Variants in ZFAND3 observed in about 807,000 individuals in gnomAD.
ZFAND3 encodes zinc finger AN1-type containing 3, also known as AN1-type zinc finger protein 3.
In ZFAND3, 10 loss-of-function variants were observed where a neutral mutation model predicts 29.6. The ratio of observed to expected loss-of-function variants is 0.34; its 90% CI spans 0.21 to 0.57. The LOEUF (loss-of-function observed/expected upper bound fraction) is 0.57, where lower values mean the gene tolerates loss of function less well. ZFAND3 is among the 20% of genes least tolerant of loss of function. ZFAND3 has a pLI of 0.86. For missense variants in ZFAND3, 230 were observed against 304.5 expected (o/e 0.76, Z 1.82); for synonymous variants, 128 against 112.6 (o/e 1.14, Z -0.87).
intron 2 of ZFAND3, among the ~76,000 whole-genome samples, chr6:38,001,195 T>C (rs1762942450): frequency 6.6e-6 from 1 of 152,232 alleles, no homozygotes; most frequent in Admixed American, 6.5e-5. Flanking sequence ...ATTCATTCTT[T>C]TAAATAAGTT....
intron 1 of ZFAND3, among the ~76,000 whole-genome samples, chr6:37,827,749 C>T (rs1441916258): frequency 1.3e-5 from 2 of 152,216 alleles, no homozygotes; most frequent in South Asian, 2.1e-4. Flanking sequence ...GGATGATGTA[C>T]TAGCTAACTA....
intron 2 of ZFAND3, among the ~76,000 whole-genome samples, chr6:38,049,969 G>A (rs9296233): frequency 1.6e-4 from 1 of 6,184 alleles, no homozygotes; most frequent in African/African-American, 4.5e-4. Flanking sequence ...TTTTTTTTTT[G>A]GGGGAGACAG....
chr6:38,089,659 A>T (rs1283766192), intron 4 of ZFAND3, among the ~76,000 whole-genome samples: 1 of 152,200 alleles, frequency 6.6e-6, no homozygotes, highest in Non-Finnish European at 1.5e-5. Flanking sequence ...TTAAATCAGA[A>T]GTGGCCCCGT....
intron 2 of ZFAND3, among the ~76,000 whole-genome samples, chr6:38,036,400 GA>G (rs1164945999): frequency 6.6e-6 from 1 of 152,182 alleles, no homozygotes; most frequent in Non-Finnish European, 1.5e-5. Context: ...TAGGATAGGA[GA>G]GGAGGATAGA....
chr6:38,115,864 A>G (rs9470784), intron 4 of ZFAND3, among the ~76,000 whole-genome samples: 18,072 of 152,032 alleles, frequency 0.12, 1,330 homozygotes, highest in East Asian at 0.29. Flanking sequence ...CCCTCCACCT[A>G]CCATTTTGGC....
Position 37,929,744 on chromosome 6 carries a change from A to G in ZFAND3, c.72-215A>G, listed in dbSNP as rs142330719. ...TTACAGGTAAAAAATAAAAATAAAA[A>G]CCAAGTGTTTATATTTTTGTTTTTT... On this transcript the variant is annotated intron_variant, in intron 1 of 5. Coordinates refer to ENST00000287218, the MANE Select transcript of ZFAND3 (RefSeq NM_021943.3). 4.5e-3 allele frequency among the ~76,000 whole-genome samples: 680 copies of G among 150,674 alleles called. 1 individual carries two copies. The highest frequency in any genetic ancestry group is 0.015 in the African/African-American group (618 of 40,966).
chr6:37,871,963 T>G (rs888583825), intron 1 of ZFAND3, among the ~76,000 whole-genome samples: 2 of 152,262 alleles, frequency 1.3e-5, no homozygotes, highest in Non-Finnish European at 2.9e-5. Flanking sequence ...TTACCTGGGC[T>G]GCTGTAGTCT....
chr6:38,020,304 T>A (rs1362410517), intron 2 of ZFAND3, among the ~76,000 whole-genome samples: 1 of 152,240 alleles, frequency 6.6e-6, no homozygotes, highest in Non-Finnish European at 1.5e-5. Flanking sequence ...CACATTAGTT[T>A]TCTTCCTTCA....
At chr6:38,032,081 C>T (rs746536074) in intron 2 of ZFAND3, among the ~76,000 whole-genome samples, 2 of 152,122 alleles carry the variant, frequency 1.3e-5, no homozygotes, top group Admixed American at 1.3e-4. Context: ...GATCCTCCCT[C>T]CTCAACCTCC....
rs201237370 is a variant in ZFAND3, at chr6:38,065,315, C to CA, written c.295+3552dup. ...GGCGACAGAGTGGGACTCTGTCTCACAAAAAAAAAAAAGAAAGAAAAGAAA... is the reference window on the plus strand; with the variant it reads ...GGCGACAGAGTGGGACTCTGTCTCACAAAAAAAAAAAAAGAAAGAAAAGAAA... On this transcript the variant is annotated intron_variant, in intron 3 of 5. Transcript: ENST00000287218. Among the ~76,000 whole-genome samples the CA allele has an allele frequency of 0.025, 3,203 of 127,064 alleles. 246 individuals carry two copies. In the East Asian group the frequency reaches 0.3, roughly 12 times the overall value. 83.4% of individuals were successfully genotyped at this position (127,064 alleles called of 152,430 possible). A position where few individuals can be genotyped will look rare whatever the true frequency, so the allele number is the denominator to read the frequency against.
intron 1 of ZFAND3, among the ~76,000 whole-genome samples, chr6:37,864,941 A>G (rs961939639): frequency 6.6e-6 from 1 of 152,148 alleles, no homozygotes; most frequent in East Asian, 1.9e-4. Context: ...GCACTTTGGG[A>G]GGCCAAGGCG....
intron 2 of ZFAND3, among the ~76,000 whole-genome samples, chr6:37,996,672 A>G (rs1394893389): frequency 6.6e-6 from 1 of 152,182 alleles, no homozygotes; most frequent in Non-Finnish European, 1.5e-5. Flanking sequence ...TAAGAGAAAA[A>G]ATTTAAGGAA....
chr6:37,864,364 C>CT (rs1259011822), intron 1 of ZFAND3, among the ~76,000 whole-genome samples: 1 of 152,176 alleles, frequency 6.6e-6, no homozygotes, highest in Non-Finnish European at 1.5e-5. Context: ...GCTTTGAGGG[C>CT]TGAATCCATC....
chr6:37,976,016 A>T (rs1230756980), intron 2 of ZFAND3, among the ~76,000 whole-genome samples: 1 of 151,910 alleles, frequency 6.6e-6, no homozygotes, highest in Non-Finnish European at 1.5e-5. Flanking sequence ...GATAGAAGTG[A>T]TCTCTCTTTA....
intron 3 of ZFAND3, chr6:38,062,749 T>TA (rs1249923564): frequency 2.6e-5 from 4 of 152,186 alleles, no homozygotes; most frequent in Non-Finnish European, 5.9e-5. Context: ...GTATGTGAGA[T>TA]ATACATCTCT....
chr6:38,020,414 CA>C (rs1268525606), intron 2 of ZFAND3, among the ~76,000 whole-genome samples: 1 of 151,842 alleles, frequency 6.6e-6, no homozygotes, highest in Non-Finnish European at 1.5e-5. Context: ...CAAATTATCT[CA>C]AAAAAATACT....
intron 2 of ZFAND3, among the ~76,000 whole-genome samples, chr6:37,933,121 C>T: frequency 6.6e-6 from 1 of 152,100 alleles, no homozygotes; most frequent in Non-Finnish European, 1.5e-5. Context: ...TTATTTTGGC[C>T]AAAGCCACTG....
chr6:38,014,999 T>A (rs921245562), intron 2 of ZFAND3, among the ~76,000 whole-genome samples: 3 of 152,208 alleles, frequency 2.0e-5, no homozygotes, highest in Non-Finnish European at 4.4e-5. Flanking sequence ...ACCTCCTGCT[T>A]TTTACCAATA....
chr6:38,094,462 G>A lies in ZFAND3; in HGVS notation c.361+12005G>A, dbSNP rs138742551. 1.4e-4 allele frequency among the ~76,000 whole-genome samples: 22 copies of A among 152,280 alleles called. No homozygotes were observed. The East Asian group carries it at 4.1e-3, about 28-fold the overall frequency. On this transcript the variant is annotated intron_variant, in intron 4 of 5. Transcript: ENST00000287218. Reference sequence around the variant, plus strand: ...GAAAAGAAAGTAATAACTTGGATATGATCCTACTCCACAAAGCTGACCAGT... The same window carrying A: ...GAAAAGAAAGTAATAACTTGGATATAATCCTACTCCACAAAGCTGACCAGT...
Sources: allele counts gnomAD v4.1 joint callset (sites outside exome capture counted in the v4.1 genomes callset), GRCh38; gene constraint gnomAD v4.1.1; transcripts MANE v1.5; gene names NCBI Gene and HGNC (gene_info 2026-07-23, HGNC 2026-07-21).